The following CTNNA2 variants were observed in gnomAD, a reference collection of about 807,000 sequenced individuals.
CTNNA2 encodes catenin alpha-2.
CTNNA2 carries 42 observed loss-of-function variants against 101.0 expected under a neutral mutation model. The ratio of observed to expected loss-of-function variants is 0.42; its 90% CI spans 0.32 to 0.54. The LOEUF (loss-of-function observed/expected upper bound fraction) is 0.54. CTNNA2 is among the 20% of genes least tolerant of loss of function. CTNNA2 has a pLI of 0.14. For missense variants in CTNNA2, 871 were observed against 1,223.1 expected, an observed-to-expected ratio of 0.71 and a Z score of 4.29; for synonymous variants, 450 against 456.4, an observed-to-expected ratio of 0.99 and a Z score of 0.18.
At chr2:80,250,202 A>AGTGTGTGT (rs1344701609) in intron 7 of CTNNA2, among the ~76,000 whole-genome samples, 7 of 142,190 alleles carry the variant, frequency 4.9e-5, no homozygotes, top group African/African-American at 2.0e-4. Flanking sequence ...AGAGAGAGAG[A>AGTGTGTGT]GAGTGTGTGT....
rs372399891 is a variant in CTNNA2, at chr2:79,571,084, G to A, written c.-6+57877G>A. On this transcript the variant is annotated intron_variant, in intron 1 of 18. Transcript: ENST00000402739. ...TCTTTTATGAATAGCCTAGAAAAAT[G>A]TGGTTCACTAAATCATTAGAAGCAC... 5.9e-5 allele frequency among the ~76,000 whole-genome samples: 9 copies of A among 152,268 alleles called. No individual in the cohort carries two copies. In the East Asian group the frequency reaches 1.7e-3, roughly 29 times the overall value.
At chr2:80,343,263 C>A (rs1289140141) in intron 7 of CTNNA2, among the ~76,000 whole-genome samples, 2 of 151,914 alleles carry the variant, frequency 1.3e-5, no homozygotes, top group Non-Finnish European at 2.9e-5. Context: ...ATTCTCTTGG[C>A]CTAGCTAAAA....
At chr2:79,600,278 C>T (rs1294295913) in intron 1 of CTNNA2, among the ~76,000 whole-genome samples, 1 of 152,098 alleles carries the variant, frequency 6.6e-6, no homozygotes, top group East Asian at 1.9e-4. Context: ...TGGGTTCAAG[C>T]CATTCTTGTG....
intron 2 of CTNNA2, among the ~76,000 whole-genome samples, chr2:79,728,478 C>G (rs1686998696): frequency 1.3e-5 from 2 of 152,090 alleles, no homozygotes; most frequent in Admixed American, 1.3e-4. Flanking sequence ...GATAATAGCC[C>G]TTTGTCAGAT....
At chr2:79,470,684 C>A (rs1312833761) in intron 4 of CTNNA2, among the ~76,000 whole-genome samples, 1 of 152,184 alleles carries the variant, frequency 6.6e-6, no homozygotes, top group Non-Finnish European at 1.5e-5. Context: ...AGATGAATCA[C>A]TTCTTTGAAT....
intron 18 of CTNNA2, among the ~76,000 whole-genome samples, chr2:80,626,381 G>A (rs1344938679): frequency 6.6e-6 from 1 of 151,892 alleles, no homozygotes; most frequent in Admixed American, 6.6e-5. Context: ...TTTTCATGTA[G>A]GAAGAAGAGG....
At chr2:79,767,842 C>G (rs1027198022) in intron 3 of CTNNA2, among the ~76,000 whole-genome samples, 4 of 151,198 alleles carry the variant, frequency 2.6e-5, no homozygotes, top group Admixed American at 1.3e-4. Flanking sequence ...CTTTCTTCTC[C>G]TCTCCTCAAG....
intron 11 of CTNNA2, among the ~76,000 whole-genome samples, chr2:80,553,102 T>TA (rs1488572059): frequency 1.3e-5 from 2 of 151,324 alleles, no homozygotes; most frequent in Non-Finnish European, 2.9e-5. Flanking sequence ...TGCATGCCTG[T>TA]AATCCCATCT....
chr2:79,914,099 G>A (rs1181515563), intron 7 of CTNNA2, among the ~76,000 whole-genome samples: 1 of 149,240 alleles, frequency 6.7e-6, no homozygotes. Context: ...CCCGGGAGGC[G>A]GAGCTTGCAG....
chr2:80,205,926 G>T (rs1458808295), intron 7 of CTNNA2, among the ~76,000 whole-genome samples: 2 of 152,134 alleles, frequency 1.3e-5, no homozygotes, highest in African/African-American at 4.8e-5. Flanking sequence ...ATTGATTCAG[G>T]ACAATGCATT....
At chr2:79,930,340 GAA>G (rs1316419123) in intron 7 of CTNNA2, among the ~76,000 whole-genome samples, 1 of 140,032 alleles carries the variant, frequency 7.1e-6, no homozygotes, top group Non-Finnish European at 1.5e-5. Context: ...AAGAAAGAAA[GAA>G]AGAAAGAAAG....
At chr2:79,328,834 C>T (rs1052577639) in intron 3 of CTNNA2, among the ~76,000 whole-genome samples, 6 of 152,152 alleles carry the variant, frequency 3.9e-5, no homozygotes, top group East Asian at 1.9e-4. Context: ...CGGAAATCAA[C>T]GTGCTGGCAG....
chr2:79,736,942 A>G (rs181955064), intron 2 of CTNNA2, among the ~76,000 whole-genome samples: 1 of 152,324 alleles, frequency 6.6e-6, no homozygotes, highest in Non-Finnish European at 1.5e-5. Flanking sequence ...TCGTGCCTCC[A>G]TAATAGAGGA....
At chr2:79,648,815 GT>G (rs1455373312) in intron 1 of CTNNA2, among the ~76,000 whole-genome samples, 4 of 152,104 alleles carry the variant, frequency 2.6e-5, no homozygotes, top group Non-Finnish European at 4.4e-5. Flanking sequence ...AGAATTCCTG[GT>G]TTTAGTCTCA....
intron 2 of CTNNA2, among the ~76,000 whole-genome samples, chr2:79,726,730 A>G (rs1558875554): frequency 6.6e-6 from 1 of 152,232 alleles, no homozygotes; most frequent in Non-Finnish European, 1.5e-5. Context: ...ATATGATGTA[A>G]CTATTTCTTT....
chr2:79,711,719 C>T (rs1193029241), intron 2 of CTNNA2, among the ~76,000 whole-genome samples: 1 of 152,044 alleles, frequency 6.6e-6, no homozygotes, highest in African/African-American at 2.4e-5. Flanking sequence ...TGTAAAGGGT[C>T]AGATAGTGAA....
At chr2:80,137,069 G>C (rs1379634390) in intron 7 of CTNNA2, among the ~76,000 whole-genome samples, 1 of 152,154 alleles carries the variant, frequency 6.6e-6, no homozygotes, top group Non-Finnish European at 1.5e-5. Flanking sequence ...AATTGCAACA[G>C]CTGTCAGAAA....
chr2:80,470,556 T>C (rs962330083), intron 9 of CTNNA2, among the ~76,000 whole-genome samples: 1 of 152,168 alleles, frequency 6.6e-6, no homozygotes, highest in South Asian at 2.1e-4. Context: ...TCTTGCTCTA[T>C]ACTGGACTGA....
intron 6 of CTNNA2, among the ~76,000 whole-genome samples, chr2:79,887,161 G>GC (rs1349978640): frequency 1.3e-5 from 2 of 152,034 alleles, no homozygotes; most frequent in African/African-American, 4.8e-5. Context: ...GTGGCTGCCG[G>GC]GGGGAGAATG....
Sources: gnomAD v4.1 joint callset for allele counts (sites outside exome capture counted in the v4.1 genomes callset) on GRCh38, gnomAD v4.1.1 for gene constraint, MANE v1.5 for transcripts, NCBI Gene and HGNC (gene_info 2026-07-23, HGNC 2026-07-21) for gene names.